Variants in CORO2B observed in about 807,000 individuals in gnomAD.
CORO2B encodes coronin 2B.
CORO2B carries 26 observed loss-of-function variants against 58.8 expected under a neutral mutation model. That is an observed-to-expected ratio of 0.44 (90% CI 0.32 to 0.61). CORO2B has a LOEUF of 0.61. CORO2B is among the 20% of genes least tolerant of loss of function. The pLI is 0.04. For synonymous variants in CORO2B, 242 were observed against 253.8 expected, an observed-to-expected ratio of 0.95 and a Z score of 0.44; for missense variants, 460 against 645.1, an observed-to-expected ratio of 0.71 and a Z score of 3.11.
At chr15:68,568,328 G>A in the CORO2B span, among the ~76,000 whole-genome samples, 3 of 150,354 alleles carry the variant, frequency 2.0e-5, no homozygotes, top group Non-Finnish European at 4.4e-5. Flanking sequence ...GCGGTTATAA[G>A]GATTAAGTGA....
intron 1 of CORO2B, among the ~76,000 whole-genome samples, chr15:68,619,957 G>A (rs1419523812): frequency 6.6e-6 from 1 of 151,950 alleles, no homozygotes; most frequent in Non-Finnish European, 1.5e-5. Flanking sequence ...TGTCTCCCAG[G>A]CTGGAGTACA....
At chr15:68,613,525 C>T (rs922418830) in intron 1 of CORO2B, among the ~76,000 whole-genome samples, 10 of 152,170 alleles carry the variant, frequency 6.6e-5, no homozygotes, top group African/African-American at 1.2e-4. Flanking sequence ...AAGGTTCTCC[C>T]TGAAGGATTG....
the CORO2B span, among the ~76,000 whole-genome samples, chr15:68,546,069 G>A: frequency 2.0e-5 from 3 of 152,144 alleles, no homozygotes; most frequent in Non-Finnish European, 4.4e-5. Flanking sequence ...AGCCGTCCTT[G>A]CCACCCTTAG....
rs765428327 is a variant in CORO2B, at chr15:68,711,652, G to T, written c.594G>T (p.Thr198=). 3 of 1,614,074 alleles carry T rather than the reference G, an allele frequency of 1.9e-6. No individual in the cohort carries two copies. Among genetic ancestry groups the T allele is most frequent in the Non-Finnish European group, 2.5e-6 (3 of 1,179,962 alleles). Residue 198 remains threonine, a synonymous_variant, in exon 5 of 12, where the codon ACG becomes ACT. Coordinates refer to ENST00000261861, the MANE Select transcript of CORO2B (RefSeq NM_006091.5). ...CGGACGGCAGCCTGCTCACCACCAC[G>T]TGCAAGGACAAGAAGCTGCGTGTGA... The part of the protein sequence containing the change: ...FNTDGSLLTT[T]CKDKKLRVIE...
the CORO2B span, among the ~76,000 whole-genome samples, chr15:68,532,539 C>G: frequency 1.3e-5 from 2 of 151,828 alleles, no homozygotes; most frequent in African/African-American, 4.8e-5. Context: ...TATTTAAGTC[C>G]TTGAACATAT....
the CORO2B span, among the ~76,000 whole-genome samples, chr15:68,566,451 G>A: frequency 1.3e-5 from 2 of 152,124 alleles, no homozygotes; most frequent in Admixed American, 6.5e-5. Context: ...ACTTAAAATC[G>A]GGTCTCTGAG....
At chr15:68,722,736 AATATTTTTTTAAGTT>A (rs1216404993) in intron 11 of CORO2B, among the ~76,000 whole-genome samples, 3 of 152,246 alleles carry the variant, frequency 2.0e-5, no homozygotes, top group Non-Finnish European at 2.9e-5. Flanking sequence ...GTTAACAAAA[AATATTTTTTTAAGTT>A]ATATTTTTTT....
chr15:68,559,368 A>T, the CORO2B span, among the ~76,000 whole-genome samples: 12 of 151,920 alleles, frequency 7.9e-5, no homozygotes, highest in Admixed American at 7.9e-4. The surrounding 1 kb of genome is among the most constrained non-coding windows in gnomAD (Gnocchi z 4.3). Context: ...AGCCTCCGAG[A>T]CATCCATTTT....
At chr15:68,605,621 T>A (rs1900091730) in intron 1 of CORO2B, among the ~76,000 whole-genome samples, 1 of 151,896 alleles carries the variant, frequency 6.6e-6, no homozygotes, top group South Asian at 2.1e-4. Context: ...AAAAATTATT[T>A]GGAAAGTACA....
intron 1 of CORO2B, among the ~76,000 whole-genome samples, chr15:68,591,457 A>G (rs1207606437): frequency 6.6e-6 from 1 of 152,226 alleles, no homozygotes; most frequent in Non-Finnish European, 1.5e-5. Context: ...TTTGGATGCC[A>G]AGCCAAGAAG....
intron 2 of CORO2B, among the ~76,000 whole-genome samples, chr15:68,677,888 G>C (rs1902639956): frequency 6.6e-6 from 1 of 152,070 alleles, no homozygotes; most frequent in African/African-American, 2.4e-5. Context: ...TGATCCCCTG[G>C]TTCAGCCAGC....
intron 1 of CORO2B, among the ~76,000 whole-genome samples, chr15:68,625,029 C>T (rs1900636775): frequency 6.6e-6 from 1 of 152,170 alleles, no homozygotes; most frequent in Non-Finnish European, 1.5e-5. Context: ...CCACTCCTGC[C>T]CAGAGTCAAG....
At chr15:68,675,827 C>T (rs565193271) in intron 2 of CORO2B, among the ~76,000 whole-genome samples, 5 of 152,222 alleles carry the variant, frequency 3.3e-5, no homozygotes, top group South Asian at 2.1e-4. Flanking sequence ...TCTCTGTACC[C>T]GGCACTGTGG....
At chr15:68,708,901 G>A (rs1892847215) in intron 3 of CORO2B, among the ~76,000 whole-genome samples, 1 of 152,058 alleles carries the variant, frequency 6.6e-6, no homozygotes, top group Admixed American at 6.6e-5. Flanking sequence ...GTCTGGTCTT[G>A]AGCTCCTGGG....
In CORO2B at chr15:68,584,161, G is replaced by A. The variant is rs1244414982; in HGVS notation, c.15+4884G>A. The stretch of plus-strand genomic sequence containing the variant: ...CTTGAGTTCAGAGTCTCGAGGTCCA[G>A]TGGGCATGAGCCAGGAGACCTCTTG... On this transcript the variant is annotated intron_variant, in intron 1 of 11. Coordinates refer to ENST00000261861, the MANE Select transcript of CORO2B (RefSeq NM_006091.5). Among the ~76,000 whole-genome samples the A allele has an allele frequency of 2.0e-5, 3 of 152,264 alleles. No individual in the cohort carries two copies. In the East Asian group the frequency reaches 5.8e-4, roughly 29 times the overall value.
chr15:68,536,160 T>C, the CORO2B span, among the ~76,000 whole-genome samples: 511 of 152,336 alleles, frequency 3.4e-3, 3 homozygotes, highest in African/African-American at 0.012. Context: ...AGAAACTTGC[T>C]TTACAAGAAT....
the CORO2B span, among the ~76,000 whole-genome samples, chr15:68,534,164 C>T: frequency 6.6e-6 from 1 of 152,210 alleles, no homozygotes; most frequent in Non-Finnish European, 1.5e-5. Context: ...TTCTTTCTTG[C>T]CCTTCTAGAT....
intron 5 of CORO2B, 151 bp downstream of exon 5, chr15:68,711,857 C>T (rs1596033410): frequency 1.1e-6 from 1 of 941,006 alleles, no homozygotes; most frequent in Non-Finnish European, 1.6e-6. Flanking sequence ...TCTCCTGGGC[C>T]CTTCTCAGCT....
chr15:68,655,062 G>A (rs568359355), intron 2 of CORO2B, among the ~76,000 whole-genome samples: 2 of 152,298 alleles, frequency 1.3e-5, no homozygotes, highest in African/African-American at 2.4e-5. Flanking sequence ...GGAGGGTCCA[G>A]GGCTGCCATG....
Sources: allele counts gnomAD v4.1 joint callset (sites outside exome capture counted in the v4.1 genomes callset), GRCh38; gene constraint gnomAD v4.1.1; non-coding constraint Gnocchi (gnomAD v3.1); transcripts MANE v1.5; gene names NCBI Gene and HGNC (gene_info 2026-07-23, HGNC 2026-07-21).